The following PLEKHA6 variants were observed in gnomAD, a reference collection of about 807,000 sequenced individuals.
PLEKHA6 encodes the protein pleckstrin homology domain containing A6.
A neutral mutation model predicts 116.7 loss-of-function variants in PLEKHA6; 60 were observed. That is an observed-to-expected ratio of 0.51 (90% CI 0.42 to 0.64). The LOEUF is 0.64. Among genes scored for constraint, PLEKHA6 ranks in the 30% least tolerant of loss-of-function variants. PLEKHA6 has a pLI of 0.00. For missense variants in PLEKHA6, 1,338 were observed against 1,422.7 expected, an observed-to-expected ratio of 0.94 and a Z score of 0.96; for synonymous variants, 489 against 556.1, an observed-to-expected ratio of 0.88 and a Z score of 1.70.
At chr1:204,250,012 G>A (rs1283037365) in intron 10 of PLEKHA6, among the ~76,000 whole-genome samples, 3 of 152,090 alleles carry the variant, frequency 2.0e-5, no homozygotes, top group Admixed American at 1.3e-4. Context: ...CAGCCCACAC[G>A]GCCTCACTTC....
intron 1 of PLEKHA6, among the ~76,000 whole-genome samples, chr1:204,317,814 A>AAC (rs761647323): frequency 2.2e-4 from 34 of 152,160 alleles, no homozygotes; most frequent in Non-Finnish European, 4.4e-4. Context: ...CTTTTGTTAA[A>AAC]ACACACACAC....
chr1:204,239,756 A>C (rs1434501673), intron 17 of PLEKHA6, among the ~76,000 whole-genome samples: 1 of 152,162 alleles, frequency 6.6e-6, no homozygotes, highest in Non-Finnish European at 1.5e-5. Context: ...GGCTGGTGCA[A>C]AGTTCTTCAG....
chr1:204,319,883 G>C (rs1312437444), intron 1 of PLEKHA6, among the ~76,000 whole-genome samples: 1 of 152,160 alleles, frequency 6.6e-6, no homozygotes, highest in Admixed American at 6.5e-5. Context: ...GAGGGAGGAA[G>C]AGTGGGTGAG....
rs542225839 is a variant in PLEKHA6, at chr1:204,234,832, C to T, written c.2410-4246G>A. Among the ~76,000 whole-genome samples, 4 of 151,382 alleles carry T rather than the reference C, an allele frequency of 2.6e-5. No homozygotes were observed. The East Asian group carries it at 5.8e-4, about 22-fold the overall frequency. ...TCCTGTGCTGGATGCTTCCTGCCCT[C>T]GAACATCAAACTGAAGTTCTTCAGT... On this transcript the variant is annotated intron_variant, in intron 17 of 22. Coordinates refer to ENST00000272203, the MANE Select transcript of PLEKHA6 (RefSeq NM_014935.5).
At chr1:204,359,018 A>T (rs1673494619) in intron 1 of PLEKHA6, among the ~76,000 whole-genome samples, 1 of 150,018 alleles carries the variant, frequency 6.7e-6, no homozygotes, top group Admixed American at 6.7e-5. Flanking sequence ...CTCACACAAT[A>T]CCTCGAGGCT....
intron 1 of PLEKHA6, among the ~76,000 whole-genome samples, chr1:204,330,829 C>T (rs1329826820): frequency 2.6e-5 from 4 of 152,168 alleles, no homozygotes; most frequent in South Asian, 2.1e-4. Flanking sequence ...CACCCTGGCT[C>T]AGAGCCGAAA....
chr1:204,362,563 C>T (rs1673581036), upstream of PLEKHA6, among the ~76,000 whole-genome samples: 1 of 152,198 alleles, frequency 6.6e-6, no homozygotes, highest in Admixed American at 6.5e-5. Context: ...CTCTCTTCCT[C>T]GCAGAACATG....
chr1:204,230,984 G>C (rs1661106944), intron 17 of PLEKHA6, among the ~76,000 whole-genome samples: 1 of 152,176 alleles, frequency 6.6e-6, no homozygotes. Flanking sequence ...CTTCCAGAAG[G>C]AGCCAACCCT....
At chr1:204,250,516 G>T in intron 10 of PLEKHA6, 30 bp downstream of exon 10, 1 of 1,531,184 alleles carries the variant, frequency 6.5e-7, no homozygotes, top group Non-Finnish European at 9.0e-7. Context: ...GGCTGGAGTG[G>T]AGGGAGGGAG....
chr1:204,244,282 C>T (rs1021028257), intron 15 of PLEKHA6, among the ~76,000 whole-genome samples: 3 of 151,278 alleles, frequency 2.0e-5, no homozygotes, highest in African/African-American at 7.3e-5. Flanking sequence ...CAGGCGCGCG[C>T]CACCACGCTC....
intron 1 of PLEKHA6, among the ~76,000 whole-genome samples, chr1:204,352,644 T>C (rs1194824035): frequency 6.6e-6 from 1 of 152,192 alleles, no homozygotes; most frequent in African/African-American, 2.4e-5. Context: ...ATATACAGCA[T>C]GGTCGTTTGC....
At chr1:204,307,569 C>T (rs1671431763) in intron 1 of PLEKHA6, among the ~76,000 whole-genome samples, 1 of 152,234 alleles carries the variant, frequency 6.6e-6, no homozygotes, top group African/African-American at 2.4e-5. Flanking sequence ...AGGAACATCT[C>T]CCAATAAAGC....
intron 3 of PLEKHA6, among the ~76,000 whole-genome samples, chr1:204,367,524 C>T (rs1358971362): frequency 1.3e-5 from 2 of 152,104 alleles, no homozygotes; most frequent in African/African-American, 4.8e-5. Context: ...CCATCTCCTT[C>T]CCACCGGTAC....
intron 1 of PLEKHA6, among the ~76,000 whole-genome samples, chr1:204,339,782 A>G (rs1294819010): frequency 1.3e-5 from 2 of 152,260 alleles, no homozygotes; most frequent in African/African-American, 4.8e-5. Flanking sequence ...GCTATTTAAA[A>G]TGACAAATTT....
chr1:204,372,377 T>A (rs1016917676), intron 1 of PLEKHA6, among the ~76,000 whole-genome samples: 22 of 151,962 alleles, frequency 1.4e-4, no homozygotes, highest in African/African-American at 5.1e-4. Flanking sequence ...CATTTCTCAA[T>A]CCCCACCGAC....
intron 17 of PLEKHA6, among the ~76,000 whole-genome samples, chr1:204,233,570 G>A (rs1432380886): frequency 6.6e-6 from 1 of 152,060 alleles, no homozygotes; most frequent in African/African-American, 2.4e-5. Flanking sequence ...CTCCCAAAGT[G>A]TTGGGATTAC....
At chr1:204,301,491 G>T in intron 1 of PLEKHA6, 1 of 985,182 alleles carries the variant, frequency 1.0e-6, no homozygotes, top group Non-Finnish European at 1.2e-6. Context: ...GTCCAAACAC[G>T]CCACCCAAGT....
chr1:204,252,964 C>T (rs748629049), intron 9 of PLEKHA6, among the ~76,000 whole-genome samples: 75 of 152,200 alleles, frequency 4.9e-4, no homozygotes, highest in Non-Finnish European at 4.6e-4. Context: ...GGCCTGCTCC[C>T]GCCTGTGCTG....
chr1:204,257,700 G>A lies in PLEKHA6; in HGVS notation c.1177C>T (p.Arg393Cys), dbSNP rs770097581. ...ISPPWALEDK[R>C]HAFRNGGGPA... The stretch of plus-strand genomic sequence containing the variant: ...CCACCCCCATTGCGGAAGGCATGGC[G>A]CTTGTCCTCCAGGGCCCAGGGCGGG... The change falls in exon 9 of 23, where the codon CGC becomes TGC. Residue 393 changes from arginine (R) to cysteine (C), a missense_variant. Around this residue, in one of 3 missense-constraint regions of PLEKHA6, gnomAD observed 1,136 missense variants for 1,163.6 expected, o/e 0.98. Coordinates refer to ENST00000272203, the MANE Select transcript of PLEKHA6 (RefSeq NM_014935.5). This position sits in a 1 kb window ranked among gnomAD's most constrained non-coding sequence, Gnocchi z 6.5. The A allele has an allele frequency of 1.8e-5, 29 of 1,612,062 alleles. No individual in the cohort carries two copies. The Middle Eastern group carries it at 5.0e-4, about 28-fold the overall frequency.
Sources: gnomAD v4.1 joint callset for allele counts (sites outside exome capture counted in the v4.1 genomes callset) on GRCh38, gnomAD v4.1.1 for gene constraint, gnomAD v4.1.1 regional missense constraint, Gnocchi (gnomAD v3.1) non-coding constraint, MANE v1.5 for transcripts, NCBI Gene and HGNC (gene_info 2026-07-23, HGNC 2026-07-21) for gene names.